The following DIAPH2 variants were observed in gnomAD, a reference collection of about 807,000 sequenced individuals.
DIAPH2 encodes the protein diaphanous related formin 2.
In DIAPH2, 35 loss-of-function variants were observed where a neutral mutation model predicts 92.7. That is an observed-to-expected ratio of 0.38 (90% CI 0.29 to 0.50). The LOEUF (loss-of-function observed/expected upper bound fraction) is 0.50, where lower values mean the gene tolerates loss of function less well. Ranked by LOEUF, DIAPH2 falls within the 20% of genes least tolerant of loss-of-function variation. DIAPH2 has a pLI of 0.94. For synonymous variants in DIAPH2, 301 were observed against 280.4 expected (o/e 1.07, Z -0.73); for missense variants, 701 against 819.5 (o/e 0.86, Z 1.77).
intron 1 of DIAPH2, among the ~76,000 whole-genome samples, chrX:96,723,889 T>C (rs2064003800): frequency 9.1e-6 from 1 of 109,345 alleles, no homozygotes; most frequent in Non-Finnish European, 1.9e-5. Context: ...CCAGAACTTA[T>C]GGTAACCCCA....
chrX:97,259,783 C>T, intron 23 of DIAPH2, among the ~76,000 whole-genome samples: 1 of 112,315 alleles, frequency 8.9e-6, no homozygotes, highest in Non-Finnish European at 1.9e-5. Context: ...CTTTTATCTT[C>T]TCATGTCTAA....
intron 17 of DIAPH2, among the ~76,000 whole-genome samples, chrX:97,021,260 C>A (rs371452026): frequency 9.0e-6 from 1 of 111,388 alleles, no homozygotes; most frequent in African/African-American, 3.3e-5. Flanking sequence ...TGCAGTGGCA[C>A]GATTACAGCT....
intron 25 of DIAPH2, among the ~76,000 whole-genome samples, chrX:97,389,217 C>T (rs1203478648): frequency 9.1e-6 from 1 of 110,041 alleles, no homozygotes; most frequent in East Asian, 2.9e-4. Context: ...ACCTGTAATC[C>T]CAGCACTTTG....
intron 20 of DIAPH2, among the ~76,000 whole-genome samples, chrX:97,112,965 A>C (rs2066992697): frequency 9.3e-6 from 1 of 107,343 alleles, no homozygotes; most frequent in Non-Finnish European, 1.9e-5. Flanking sequence ...TTTTTAGTAG[A>C]GACAGGGTTT....
chrX:97,275,503 G>A (rs1430342696), intron 23 of DIAPH2, among the ~76,000 whole-genome samples: 3 of 100,305 alleles, frequency 3.0e-5, no homozygotes, highest in African/African-American at 7.4e-5. Flanking sequence ...CGGGCGGAGG[G>A]GCTCCTCACT....
chrX:97,253,772 T>TA (rs72471288), intron 23 of DIAPH2, among the ~76,000 whole-genome samples: 5 of 109,502 alleles, frequency 4.6e-5, no homozygotes, highest in Admixed American at 2.9e-4. Context: ...TAAATAATAA[T>TA]AAAAAAAACA....
intron 5 of DIAPH2, chrX:96,884,453 C>T (rs779282598): frequency 6.6e-6 from 8 of 1,208,628 alleles, no homozygotes; most frequent in East Asian, 3.0e-5. Flanking sequence ...GACGTTGTAC[C>T]GTGTAATGTG....
rs774154244 is a variant in DIAPH2, at chrX:97,211,550, A to G, written c.2720-36165A>G. ...TGGCCAGCCCTAGGTCATGCTGGGCATTGGAGTATAATTTTTTGATGCTTC... is the reference window on the plus strand; with the variant it reads ...TGGCCAGCCCTAGGTCATGCTGGGCGTTGGAGTATAATTTTTTGATGCTTC... On this transcript the variant is annotated intron_variant, in intron 22 of 26. Coordinates refer to ENST00000324765, the MANE Select transcript of DIAPH2 (RefSeq NM_006729.5). Among the ~76,000 whole-genome samples, 10 of 111,275 alleles carry G rather than the reference A, an allele frequency of 9.0e-5. No individual in the cohort carries two copies. In the South Asian group the frequency reaches 3.5e-3, roughly 38 times the overall value.
chrX:97,077,502 T>C (rs1182840322), intron 19 of DIAPH2, among the ~76,000 whole-genome samples: 3 of 112,199 alleles, frequency 2.7e-5, no homozygotes, highest in Non-Finnish European at 3.8e-5. Context: ...TTTTTGCTCA[T>C]GTAGCATGGT....
At chrX:97,238,235 CTCTT>C (rs1439455951) in intron 22 of DIAPH2, among the ~76,000 whole-genome samples, 1 of 112,087 alleles carries the variant, frequency 8.9e-6, no homozygotes, top group Non-Finnish European at 1.9e-5. Context: ...TTAGAAGTCT[CTCTT>C]TATTTTTTCA....
chrX:97,301,786 T>C (rs912731727), intron 23 of DIAPH2, among the ~76,000 whole-genome samples: 1 of 111,785 alleles, frequency 8.9e-6, no homozygotes, highest in African/African-American at 3.3e-5. Flanking sequence ...CAGCTCCTTA[T>C]CTCATAGTAG....
At chrX:97,507,166 A>AAAAAAAAAAC (rs2070842387) in intron 26 of DIAPH2, among the ~76,000 whole-genome samples, 1 of 92,038 alleles carries the variant, frequency 1.1e-5, no homozygotes, top group African/African-American at 3.5e-5. Flanking sequence ...AAAAAAAAAA[A>AAAAAAAAAAC]TCCCTACCTT....
intron 1 of DIAPH2, among the ~76,000 whole-genome samples, chrX:96,696,015 A>G (rs1243996381): frequency 8.9e-6 from 1 of 112,582 alleles, no homozygotes; most frequent in Non-Finnish European, 1.9e-5. Context: ...TTAATATGCT[A>G]TACAGAGTTG....
intron 1 of DIAPH2, among the ~76,000 whole-genome samples, chrX:96,717,850 A>G (rs1185450532): frequency 1.2e-5 from 1 of 82,189 alleles, no homozygotes; most frequent in South Asian, 6.1e-4. Flanking sequence ...ATATATATAT[A>G]TATATATATT....
chrX:96,779,368 G>GT (rs750212547), intron 4 of DIAPH2, among the ~76,000 whole-genome samples: 27 of 111,851 alleles, frequency 2.4e-4, no homozygotes, highest in African/African-American at 8.7e-4. Context: ...ACTTTATGAG[G>GT]TAACTATACC....
At chrX:97,313,312 C>G (rs2068812878) in intron 23 of DIAPH2, among the ~76,000 whole-genome samples, 1 of 112,010 alleles carries the variant, frequency 8.9e-6, no homozygotes, top group Non-Finnish European at 1.9e-5. Flanking sequence ...AATAATCAAG[C>G]TTTCCTGTTA....
chrX:97,319,579 A>T (rs1466373295), intron 23 of DIAPH2, among the ~76,000 whole-genome samples: 1 of 109,501 alleles, frequency 9.1e-6, no homozygotes, highest in Admixed American at 9.8e-5. Context: ...GTAAAGACGG[A>T]GTTTCACCGT....
At chrX:97,102,405 T>C (rs904867797) in intron 20 of DIAPH2, among the ~76,000 whole-genome samples, 2 of 111,942 alleles carry the variant, frequency 1.8e-5, no homozygotes, top group Non-Finnish European at 3.8e-5. Context: ...ACCTCCAATA[T>C]TTCTTCTACC....
At chrX:97,046,405 A>G (rs1214016961) in intron 17 of DIAPH2, among the ~76,000 whole-genome samples, 1 of 111,141 alleles carries the variant, frequency 9.0e-6, no homozygotes, top group Non-Finnish European at 1.9e-5. Flanking sequence ...TGGTGGCATG[A>G]TTATGGGTGG....
Sources: allele counts gnomAD v4.1 joint callset (sites outside exome capture counted in the v4.1 genomes callset), GRCh38; gene constraint gnomAD v4.1.1; transcripts MANE v1.5; gene names NCBI Gene and HGNC (gene_info 2026-07-23, HGNC 2026-07-21).